The following ZC3H3 variants were observed in gnomAD, a reference collection of about 807,000 sequenced individuals.
The protein encoded by ZC3H3 is zinc finger CCCH domain-containing protein 3.
ZC3H3 carries 36 observed loss-of-function variants against 77.3 expected under a neutral mutation model. The ratio of observed to expected loss-of-function variants is 0.47; its 90% CI spans 0.36 to 0.61. The LOEUF (loss-of-function observed/expected upper bound fraction) is 0.61, where lower values mean the gene tolerates loss of function less well. ZC3H3 is among the 20% of genes least tolerant of loss of function. The pLI, the probability that ZC3H3 is intolerant of heterozygous loss-of-function variation, is 0.00. For synonymous variants in ZC3H3, 626 were observed against 555.2 expected, an observed-to-expected ratio of 1.13 and a Z score of -1.79; for missense variants, 1,331 against 1,312.2, an observed-to-expected ratio of 1.01 and a Z score of -0.22.
chr8:143,450,267 C>T (rs1819955722), intron 9 of ZC3H3, among the ~76,000 whole-genome samples: 1 of 152,204 alleles, frequency 6.6e-6, no homozygotes, highest in Admixed American at 6.5e-5. Context: ...CTGCAACCTC[C>T]ACCTCCAGGT....
intron 9 of ZC3H3, among the ~76,000 whole-genome samples, chr8:143,449,938 T>C (rs924502404): frequency 3.3e-5 from 5 of 152,174 alleles, no homozygotes; most frequent in African/African-American, 1.2e-4. Flanking sequence ...AGCCTGGACT[T>C]CACTGTCCAT....
chr8:143,496,579 G>A (rs1035255139), intron 4 of ZC3H3, among the ~76,000 whole-genome samples: 6 of 152,190 alleles, frequency 3.9e-5, no homozygotes, highest in Non-Finnish European at 7.3e-5. Context: ...AATCAACAAC[G>A]ACGCAGGGCA....
At chr8:143,496,838 C>T (rs1002070799) in intron 4 of ZC3H3, among the ~76,000 whole-genome samples, 1 of 152,234 alleles carries the variant, frequency 6.6e-6, no homozygotes, top group African/African-American at 2.4e-5. Context: ...ATGGCTTTCC[C>T]GCCAAAATTG....
At chr8:143,446,828 G>A (rs1269288341) in intron 9 of ZC3H3, among the ~76,000 whole-genome samples, 2 of 152,250 alleles carry the variant, frequency 1.3e-5, no homozygotes, top group African/African-American at 4.8e-5. Context: ...GGGGCCCTCT[G>A]GGGCCTGGAC....
intron 3 of ZC3H3, among the ~76,000 whole-genome samples, chr8:143,511,272 C>T (rs1271351174): frequency 6.6e-6 from 1 of 152,182 alleles, no homozygotes; most frequent in Non-Finnish European, 1.5e-5. Context: ...CAGAGCCTGG[C>T]CCTGCCCACC....
chr8:143,470,006 C>A (rs564404673), intron 5 of ZC3H3, among the ~76,000 whole-genome samples: 1 of 152,350 alleles, frequency 6.6e-6, no homozygotes, highest in Admixed American at 6.5e-5. Context: ...AATAGCCAGA[C>A]CTGCCCCACT....
chr8:143,510,259 C>T lies in ZC3H3; in HGVS notation c.1562-2360G>A, dbSNP rs191729639. On this transcript the variant is annotated intron_variant, in intron 3 of 11. Coordinates refer to ENST00000262577, the MANE Select transcript of ZC3H3 (RefSeq NM_015117.3). Reference sequence around the variant, plus strand: ...ATAGACCCCTCTCCTACAGTCCCTACCAGACTGGGGGCACTTCAAGGGGCT... The same window carrying T: ...ATAGACCCCTCTCCTACAGTCCCTATCAGACTGGGGGCACTTCAAGGGGCT... Among the ~76,000 whole-genome samples, 6 of 152,348 alleles carry T rather than the reference C, an allele frequency of 3.9e-5. No homozygotes were observed. In the East Asian group the frequency reaches 1.2e-3, roughly 29 times the overall value.
intron 3 of ZC3H3, among the ~76,000 whole-genome samples, chr8:143,525,674 T>C (rs979004445): frequency 6.6e-6 from 1 of 152,244 alleles, no homozygotes; most frequent in African/African-American, 2.4e-5. Flanking sequence ...CAGACAGCCC[T>C]GGTCTTCCTG....
Position 143,494,365 on chromosome 8 carries a change from C to T in ZC3H3, c.1715+13381G>A, listed in dbSNP as rs565849989. On this transcript the variant is annotated intron_variant, in intron 4 of 11. Transcript: ENST00000262577. This position sits in a 1 kb window ranked among gnomAD's most constrained non-coding sequence, Gnocchi z 5.3. ...GGACCGGTGGCAGCCCGCCAGCCCT[C>T]CCTCTGAGCAGGCCCCAGGCTCTGG... 2.6e-5 allele frequency among the ~76,000 whole-genome samples: 4 copies of T among 152,366 alleles called. No homozygotes were observed. In the East Asian group the frequency reaches 7.7e-4, roughly 29 times the overall value.
chr8:143,541,307 G>A lies in ZC3H3; in HGVS notation c.46+69C>T, dbSNP rs542549390. 9.4e-6 allele frequency: 15 copies of A among 1,597,102 alleles called. No individual in the cohort carries two copies. The Middle Eastern group carries it at 6.7e-4, about 71-fold the overall frequency. On this transcript the variant is annotated intron_variant, in intron 1 of 11. Transcript: ENST00000262577. ...GCGGTGAGCGACCCCTTCGACAAGG[G>A]GGCAGGGGACCCGCCGCGAGGTGAG... is the stretch of plus-strand genomic sequence containing the variant.
chr8:143,448,480 C>T (rs1011142470), intron 9 of ZC3H3, among the ~76,000 whole-genome samples: 2 of 152,212 alleles, frequency 1.3e-5, no homozygotes, highest in African/African-American at 2.4e-5. Context: ...GTTCAAAACA[C>T]AGCAACGCAG....
At chr8:143,485,141 G>T (rs1455704698) in intron 4 of ZC3H3, among the ~76,000 whole-genome samples, 2 of 152,196 alleles carry the variant, frequency 1.3e-5, no homozygotes, top group Admixed American at 6.5e-5. Context: ...AGGGGCGCCG[G>T]GCCAACATGT....
intron 8 of ZC3H3, 146 bp from the exon 9 acceptor site, chr8:143,465,994 CG>C (rs1820398813): frequency 1.7e-6 from 2 of 1,195,338 alleles, no homozygotes; most frequent in East Asian, 5.2e-5. Flanking sequence ...CCACGACCTG[CG>C]GGGCAGGGAA....
chr8:143,440,375 G>C lies in ZC3H3; in HGVS notation c.2493-12C>G. ...ATGCTGAAGGCTTCCTGCAGGGAAG[G>C]AAGGGGCAGACGTGTGAGGTGGGGT... is the stretch of plus-strand genomic sequence containing the variant. On this transcript the variant is annotated splice_polypyrimidine_tract_variant and intron_variant, in intron 10 of 11. Transcript: ENST00000262577. The C allele has an allele frequency of 6.6e-7, 1 of 1,517,584 alleles. No homozygotes were observed. The highest frequency in any genetic ancestry group is 8.8e-7 in the Non-Finnish European group (1 of 1,132,320). The allele number at this position is 1,517,584 out of a possible 1,614,324, so 94.0% of individuals were successfully genotyped here.
In ZC3H3 at chr8:143,440,246, C is replaced by A; in HGVS notation, c.2610G>T (p.Ser870=). Residue 870 remains serine (S), a synonymous_variant, in exon 11 of 12, where the codon TCG becomes TCT. Coordinates refer to ENST00000262577, the MANE Select transcript of ZC3H3 (RefSeq NM_015117.3). ...CPGGSASPSS[S]KASSSSSSSS... is the part of the protein sequence containing the mutation. ...AGGAGGAGGAGGAGGAGGAAGCCTT[C>A]GAGGATGAGGGAGAGGCTGACCCCC... 1 of 1,597,132 alleles carries A rather than the reference C, an allele frequency of 6.3e-7. No individual in the cohort carries two copies. The highest frequency in any genetic ancestry group is 8.5e-7 in the Non-Finnish European group (1 of 1,173,208).
rs1264285229 is a variant in ZC3H3, at chr8:143,460,009, G to C, written c.2307+5708C>G. Among the ~76,000 whole-genome samples, 1 of 152,004 alleles carries C rather than the reference G, an allele frequency of 6.6e-6. No individual in the cohort carries two copies. Among genetic ancestry groups the C allele is most frequent in the Non-Finnish European group, 1.5e-5 (1 of 68,026 alleles). ...CACCTATAATCCCAGCACTTTGGGA[G>C]GCCAAGGCAGGCGGATCATCTGAGG... is the stretch of plus-strand genomic sequence containing the variant. On this transcript the variant is annotated intron_variant, in intron 9 of 11. Transcript: ENST00000262577. This position sits in a 1 kb window ranked among gnomAD's most constrained non-coding sequence, Gnocchi z 4.0.
intron 3 of ZC3H3, among the ~76,000 whole-genome samples, chr8:143,526,988 C>T (rs559436867): frequency 1.3e-5 from 2 of 152,236 alleles, no homozygotes; most frequent in East Asian, 1.9e-4. Flanking sequence ...CCTGAGAGGC[C>T]GGCACAGGAA....
rs760398978 is a variant in ZC3H3, at chr8:143,539,074, G to T, written c.293C>A (p.Ala98Asp). The T allele has an allele frequency of 1.2e-6, 2 of 1,612,872 alleles. No individual in the cohort carries two copies. Among genetic ancestry groups the T allele is most frequent in the Non-Finnish European group, 1.7e-6 (2 of 1,180,018 alleles). Residue 98 changes from alanine (A) to aspartate (D), a missense_variant, in exon 2 of 12, where the codon GCC (alanine) becomes GAC (aspartate). Physicochemically the swap from Ala to Asp is moderately radical, Grantham distance 126 (BLOSUM62 -2). Transcript: ENST00000262577. ...ADHAVRPLHG[A>D]RGGQPPVPQQ... ...CGGGACAGGAGGCTGGCCCCCCCGG[G>T]CCCCGTGCAACGGCCGCACAGCATG... is the stretch of plus-strand genomic sequence containing the variant.
At chr8:143,524,483 G>A (rs1044228985) in intron 3 of ZC3H3, among the ~76,000 whole-genome samples, 1 of 152,232 alleles carries the variant, frequency 6.6e-6, no homozygotes, top group Non-Finnish European at 1.5e-5. Flanking sequence ...CCGCCAGCTG[G>A]TCGGCCTCAA....
Sources: allele counts gnomAD v4.1 joint callset (sites outside exome capture counted in the v4.1 genomes callset), GRCh38; gene constraint gnomAD v4.1.1; non-coding constraint Gnocchi (gnomAD v3.1); transcripts MANE v1.5; gene names NCBI Gene and HGNC (gene_info 2026-07-23, HGNC 2026-07-21).